Variants in PUDP observed in about 807,000 individuals in gnomAD.
PUDP encodes pseudouridine-5'-phosphatase.
Under a neutral mutation model 9.4 loss-of-function variants are expected in PUDP, and 8 were observed. The observed-to-expected ratio is 0.85, with a 90% CI of 0.50 to 1.53. The LOEUF is 1.53. PUDP is among the 40% of genes most tolerant of loss of function. The probability of loss-of-function intolerance (pLI) is 0.00; values close to 1 mark genes in which losing one functional copy is unlikely to be tolerated. For synonymous variants in PUDP, 99 were observed against 80.7 expected (o/e 1.23, Z -1.22); for missense variants, 188 against 189.7 (o/e 0.99, Z 0.05).
chrX:7,094,639 C>A (rs1274480890), intron 2 of PUDP, among the ~76,000 whole-genome samples: 1 of 111,291 alleles, frequency 9.0e-6, no homozygotes, highest in Non-Finnish European at 1.9e-5. Context: ...GGATTACAGG[C>A]ATGAGCCACC....
chrX:7,008,461 G>C (rs1238449491), intron 1 of PUDP, among the ~76,000 whole-genome samples: 1 of 110,629 alleles, frequency 9.0e-6, no homozygotes, highest in Non-Finnish European at 1.9e-5. Context: ...GTCAACACCA[G>C]GGTGGGTGGC....
At chrX:6,739,146 C>A (rs1924907250) in intron 3 of PUDP, among the ~76,000 whole-genome samples, 1 of 111,668 alleles carries the variant, frequency 9.0e-6, no homozygotes, top group African/African-American at 3.3e-5. Flanking sequence ...CTGATAGAGC[C>A]ACATTCACAC....
chrX:6,918,078 T>G (rs1927962551), intron 3 of PUDP, among the ~76,000 whole-genome samples: 1 of 112,206 alleles, frequency 8.9e-6, no homozygotes, highest in Non-Finnish European at 1.9e-5. Context: ...TAACATTTCC[T>G]GCTTTTTAAT....
At chrX:6,991,138 C>G (rs1378000750) in intron 1 of PUDP, among the ~76,000 whole-genome samples, 1 of 112,025 alleles carries the variant, frequency 8.9e-6, no homozygotes, top group African/African-American at 3.2e-5. Context: ...TGCCCCCAAG[C>G]AAGTTCTTCT....
In PUDP at chrX:7,088,928, C is replaced by T. The variant is rs1931345011; in HGVS notation, c.281-11479G>A. Among the ~76,000 whole-genome samples the T allele has an allele frequency of 3.6e-5, 4 of 112,178 alleles. No homozygotes were observed. The South Asian group carries it at 1.1e-3, about 31-fold the overall frequency. ...GTTGGCTACTGATCCATGATCCTTG[C>T]TTCTCTCTCCTTTTAGAAAACGGCT... On this transcript the variant is annotated intron_variant, in intron 2 of 3. Coordinates refer to ENST00000381077, the MANE Select transcript of PUDP (RefSeq NM_012080.5).
intron 3 of PUDP, among the ~76,000 whole-genome samples, chrX:6,748,143 T>C (rs984219018): frequency 1.8e-5 from 2 of 111,735 alleles, no homozygotes; most frequent in Non-Finnish European, 3.8e-5. Context: ...AGAATAAAGA[T>C]GCCATTCATG....
intron 3 of PUDP, among the ~76,000 whole-genome samples, chrX:6,935,969 A>C (rs1351172046): frequency 1.1e-4 from 12 of 106,020 alleles, no homozygotes; most frequent in East Asian, 6.0e-4. Flanking sequence ...CAATAACAGG[A>C]TCTGAAATTG....
chrX:7,023,626 T>C (rs747889088), intron 1 of PUDP, among the ~76,000 whole-genome samples: 16 of 112,256 alleles, frequency 1.4e-4, no homozygotes, highest in Non-Finnish European at 2.8e-4. Flanking sequence ...CTATCCTTTT[T>C]TCACTGAATT....
chrX:7,104,152 T>C (rs1204479101), intron 2 of PUDP, among the ~76,000 whole-genome samples: 1 of 112,022 alleles, frequency 8.9e-6, no homozygotes, highest in African/African-American at 3.2e-5. Context: ...GCCACCCAAA[T>C]GTCCCTCAAC....
At chrX:6,914,578 T>C (rs757987862) in intron 3 of PUDP, among the ~76,000 whole-genome samples, 77 of 112,293 alleles carry the variant, frequency 6.9e-4, no homozygotes, top group Non-Finnish European at 8.4e-4. Flanking sequence ...TCAAATTGCA[T>C]GCAATGGCCC....
At chrX:6,777,415 T>C (rs1925483767) in intron 3 of PUDP, among the ~76,000 whole-genome samples, 1 of 111,910 alleles carries the variant, frequency 8.9e-6, no homozygotes, top group South Asian at 3.7e-4. Flanking sequence ...AATAGAAATA[T>C]CCTCATTTGC....
chrX:7,084,187 G>T (rs138048032), intron 2 of PUDP, among the ~76,000 whole-genome samples: 1 of 111,650 alleles, frequency 9.0e-6, no homozygotes, highest in Non-Finnish European at 1.9e-5. Context: ...CTTGTAACCC[G>T]CTGGGATTCA....
At chrX:6,755,727 G>T (rs998496068) in intron 3 of PUDP, among the ~76,000 whole-genome samples, 2 of 110,929 alleles carry the variant, frequency 1.8e-5, no homozygotes, top group African/African-American at 6.6e-5. Context: ...TCTGTGTAGG[G>T]AACTTCATCC....
At chrX:6,821,942 TACTGTGTA>T (rs1187808262) in intron 3 of PUDP, among the ~76,000 whole-genome samples, 4 of 111,935 alleles carry the variant, frequency 3.6e-5, no homozygotes, top group African/African-American at 1.3e-4. Flanking sequence ...CTTCTTTGTG[TACTGTGTA>T]AACGGCACAC....
intron 1 of PUDP, among the ~76,000 whole-genome samples, chrX:6,995,154 T>C (rs760170865): frequency 9.0e-6 from 1 of 110,871 alleles, no homozygotes; most frequent in Admixed American, 9.6e-5. Context: ...TTTATTTACA[T>C]GTGGAACAAG....
chrX:7,005,889 T>A (rs1284992730), intron 1 of PUDP, among the ~76,000 whole-genome samples: 2 of 111,521 alleles, frequency 1.8e-5, no homozygotes, highest in Non-Finnish European at 3.8e-5. Context: ...TCTCTATGAT[T>A]TTGACTGCTC....
chrX:7,091,166 T>C (rs1031186146), intron 2 of PUDP, among the ~76,000 whole-genome samples: 1 of 111,176 alleles, frequency 9.0e-6, no homozygotes, highest in African/African-American at 3.3e-5. Context: ...ATGATCTCTG[T>C]AGCCAGCTGT....
At chrX:6,797,285 T>A (rs1412624496) in intron 3 of PUDP, among the ~76,000 whole-genome samples, 1 of 111,683 alleles carries the variant, frequency 9.0e-6, no homozygotes, top group Non-Finnish European at 1.9e-5. Context: ...TTAATCATTA[T>A]CATAGCTGCC....
intron 3 of PUDP, among the ~76,000 whole-genome samples, chrX:6,898,964 G>A (rs1191047809): frequency 3.6e-5 from 4 of 111,513 alleles, no homozygotes; most frequent in East Asian, 2.8e-4. Context: ...CCCAAGAGAA[G>A]GTCTTTCTTA....
Sources: allele counts gnomAD v4.1 joint callset (sites outside exome capture counted in the v4.1 genomes callset), GRCh38; gene constraint gnomAD v4.1.1; transcripts MANE v1.5; gene names NCBI Gene and HGNC (gene_info 2026-07-23, HGNC 2026-07-21).